Variants in C4orf36 observed in about 807,000 individuals in gnomAD.
The protein encoded by C4orf36 is chromosome 4 open reading frame 36.
A neutral mutation model predicts 12.2 loss-of-function variants in C4orf36; 11 were observed. That is an observed-to-expected ratio of 0.90 (90% CI 0.57 to 1.49). C4orf36 has a LOEUF of 1.49. Ranked by LOEUF, C4orf36 falls within the 40% of genes most tolerant of loss-of-function variation. The probability of loss-of-function intolerance (pLI) is 0.00; values close to 1 mark genes in which losing one functional copy is unlikely to be tolerated. For missense variants in C4orf36, 137 were observed against 133.9 expected (o/e 1.02, Z -0.11); for synonymous variants, 54 against 51.3 (o/e 1.05, Z -0.22).
chr4:86,876,514 T>C lies in C4orf36; in HGVS notation c.*3-71A>G. ...AATGAGGTAGAAAAAATGAAAAGAT[T>C]AGAAATGTCGGATTGTGTGAAGCTA... On this transcript the variant is annotated intron_variant, in intron 4 of 4. Transcript: ENST00000295898. The C allele has an allele frequency of 1.9e-6, 3 of 1,613,834 alleles. 1 individual carries two copies. Among genetic ancestry groups the C allele is most frequent in the South Asian group, 2.2e-5 (2 of 91,070 alleles).
the C4orf36 span, among the ~76,000 whole-genome samples, chr4:86,932,976 T>C: frequency 1.3e-5 from 2 of 152,202 alleles, no homozygotes; most frequent in African/African-American, 2.4e-5. Flanking sequence ...GTTAAATATC[T>C]GCAACTCCAT....
chr4:86,930,284 G>C, the C4orf36 span, among the ~76,000 whole-genome samples: 1 of 152,212 alleles, frequency 6.6e-6, no homozygotes, highest in Non-Finnish European at 1.5e-5. Context: ...CAGCTCCCTT[G>C]AGCCTGCTGA....
chr4:86,894,538 G>A (rs1366325904), upstream of C4orf36, among the ~76,000 whole-genome samples: 1 of 152,126 alleles, frequency 6.6e-6, no homozygotes, highest in Non-Finnish European at 1.5e-5. Flanking sequence ...TTTTATAGTT[G>A]TAGAAATAGG....
intron 4 of C4orf36, chr4:86,886,450 A>C (rs1260591093): frequency 6.6e-6 from 1 of 152,250 alleles, no homozygotes; most frequent in Non-Finnish European, 1.5e-5. Context: ...AAAGTGGGCA[A>C]AGGATATGAA....
the C4orf36 span, among the ~76,000 whole-genome samples, chr4:86,904,775 A>G: frequency 2.0e-5 from 3 of 151,968 alleles, no homozygotes; most frequent in Non-Finnish European, 4.4e-5. Context: ...CAGATTCGAA[A>G]AGTACACTTG....
chr4:86,885,553 C>G (rs1041303485), intron 4 of C4orf36, among the ~76,000 whole-genome samples: 1 of 152,082 alleles, frequency 6.6e-6, no homozygotes, highest in Admixed American at 6.6e-5. Flanking sequence ...GATTTTGTAT[C>G]CTGAGACTTT....
the C4orf36 span, among the ~76,000 whole-genome samples, chr4:86,901,842 C>T: frequency 6.6e-6 from 1 of 151,784 alleles, no homozygotes; most frequent in Admixed American, 6.6e-5. Context: ...ATTGTGTCCC[C>T]TAAAAAGATA....
At chr4:86,905,756 T>G in the C4orf36 span, among the ~76,000 whole-genome samples, 1 of 151,516 alleles carries the variant, frequency 6.6e-6, no homozygotes, top group African/African-American at 2.4e-5. Context: ...CTCGCTCTGT[T>G]GCCCAGGCTG....
the C4orf36 span, among the ~76,000 whole-genome samples, chr4:86,932,503 T>C: frequency 6.6e-6 from 1 of 152,106 alleles, no homozygotes; most frequent in African/African-American, 2.4e-5. Context: ...GTACTTCAGT[T>C]TGACCAAACA....
chr4:86,918,547 A>C, the C4orf36 span, among the ~76,000 whole-genome samples: 1 of 152,204 alleles, frequency 6.6e-6, no homozygotes, highest in Non-Finnish European at 1.5e-5. Context: ...CTATGTGTCT[A>C]GTCCACTACA....
At chr4:86,891,293 C>CAA (rs34250498) in intron 2 of C4orf36, among the ~76,000 whole-genome samples, 163 bp downstream of exon 2, 19,181 of 118,618 alleles carry the variant, frequency 0.16, 1,782 homozygotes, top group Admixed American at 0.21. Flanking sequence ...AAGCAGTTGC[C>CAA]AAAAAAAAAA....
In C4orf36 at chr4:86,876,379, C is replaced by A. The variant is rs1207020541; in HGVS notation, c.*67G>T. Reference sequence around the variant, plus strand: ...GCCGGGGCCGGGAGCGGGTCCTGGGCGGCCCAGGAGAAGCAGTTCCCGCCG... The same window carrying A: ...GCCGGGGCCGGGAGCGGGTCCTGGGAGGCCCAGGAGAAGCAGTTCCCGCCG... On this transcript the variant is annotated 3_prime_UTR_variant, in exon 5 of 5. Transcript: ENST00000295898. 4 of 1,602,500 alleles carry A rather than the reference C, an allele frequency of 2.5e-6. No homozygotes were observed. The highest frequency in any genetic ancestry group is 2.6e-6 in the Non-Finnish European group (3 of 1,174,960).
the C4orf36 span, among the ~76,000 whole-genome samples, chr4:86,920,353 G>A: frequency 1.3e-5 from 2 of 152,020 alleles, no homozygotes; most frequent in Non-Finnish European, 1.5e-5. Context: ...TCCATTTACA[G>A]CAATCTAGTC....
chr4:86,894,993 G>A (rs1747557382), upstream of C4orf36, among the ~76,000 whole-genome samples: 1 of 152,144 alleles, frequency 6.6e-6, no homozygotes, highest in African/African-American at 2.4e-5. Context: ...TAGGATTCCT[G>A]GCTCTCAGAA....
intron 4 of C4orf36, chr4:86,887,362 T>G (rs1218478573): frequency 6.3e-6 from 1 of 158,454 alleles, no homozygotes; most frequent in Non-Finnish European, 1.4e-5. Flanking sequence ...TTTCAGTTTA[T>G]CATTTTTAAG....
At chr4:86,905,799 CCT>C in the C4orf36 span, among the ~76,000 whole-genome samples, 1,289 of 151,404 alleles carry the variant, frequency 8.5e-3, 12 homozygotes, top group Admixed American at 0.016. Context: ...CTCACTGCAA[CCT>C]CTGTCTCCAA....
chr4:86,882,010 G>A (rs1285666086), intron 4 of C4orf36, among the ~76,000 whole-genome samples: 1 of 152,164 alleles, frequency 6.6e-6, no homozygotes, highest in Admixed American at 6.6e-5. Context: ...CGTCTATTGA[G>A]TGCCTATATG....
the C4orf36 span, among the ~76,000 whole-genome samples, chr4:86,915,695 G>A: frequency 6.6e-6 from 1 of 152,232 alleles, no homozygotes; most frequent in Non-Finnish European, 1.5e-5. Flanking sequence ...GCTGAGGCAG[G>A]AGAATCACTT....
intron 4 of C4orf36, among the ~76,000 whole-genome samples, chr4:86,882,366 CA>C (rs532091312): frequency 2.0e-4 from 31 of 152,166 alleles, no homozygotes; most frequent in Admixed American, 1.2e-3. Context: ...TCTGAGAGAC[CA>C]GAACAGATGC....
Sources: allele counts gnomAD v4.1 joint callset (sites outside exome capture counted in the v4.1 genomes callset), GRCh38; gene constraint gnomAD v4.1.1; transcripts MANE v1.5; gene names NCBI Gene and HGNC (gene_info 2026-07-23, HGNC 2026-07-21).